USH2A: variants seen among roughly 807,000 people sequenced by gnomAD.
The protein encoded by USH2A is Usher syndrome 2A (autosomal recessive, mild).
USH2A carries 443 observed loss-of-function variants against 538.9 expected under a neutral mutation model. The ratio of observed to expected loss-of-function variants is 0.82; its 90% CI spans 0.76 to 0.89. The LOEUF (loss-of-function observed/expected upper bound fraction) is 0.89, where lower values mean the gene tolerates loss of function less well. Among genes scored for constraint, USH2A ranks in the 40% least tolerant of loss-of-function variants. The probability of loss-of-function intolerance (pLI) is 0.00; values close to 1 mark genes in which losing one functional copy is unlikely to be tolerated. For synonymous variants in USH2A, 2,413 were observed against 2,273.5 expected (o/e 1.06, Z -1.75); for missense variants, 6,633 against 6,324.8 (o/e 1.05, Z -1.65).
intron 60 of USH2A, among the ~76,000 whole-genome samples, chr1:215,729,657 G>T (rs563536458): frequency 1.1e-3 from 165 of 152,234 alleles, no homozygotes; most frequent in African/African-American, 3.7e-3. Flanking sequence ...TTGAGACTGG[G>T]TCTCACTCTG....
intron 49 of USH2A, 37 bp from the exon 50 acceptor site, chr1:215,799,162 T>TA (rs570710986): frequency 1.4e-5 from 22 of 1,573,536 alleles, no homozygotes; most frequent in Non-Finnish European, 1.8e-5. Context: ...TTACATCAGT[T>TA]AAAAAAATAT....
intron 61 of USH2A, among the ~76,000 whole-genome samples, chr1:215,705,456 A>T (rs929641528): frequency 5.3e-5 from 8 of 152,250 alleles, no homozygotes; most frequent in Non-Finnish European, 1.0e-4. Flanking sequence ...AGGCACAGGA[A>T]ATGACAAGTA....
chr1:216,256,335 T>G (rs2102559329), intron 11 of USH2A, among the ~76,000 whole-genome samples: 1 of 150,512 alleles, frequency 6.6e-6, no homozygotes, highest in East Asian at 1.9e-4. Flanking sequence ...TTTTTTTTTT[T>G]GCCTGTTTTG....
Position 215,758,489 on chromosome 1 carries a change from CGACT to C in USH2A, c.11389+102_11389+105del, listed in dbSNP as rs1234007092. On this transcript the variant is annotated intron_variant, in intron 58 of 71. Transcript: ENST00000307340. Reference sequence around the variant, plus strand: ...TTCTGTTCATATTTATCCAGGAGACCGACTATGTCTTTCTGATTTACTAAATTAA... The same window carrying C: ...TTCTGTTCATATTTATCCAGGAGACCATGTCTTTCTGATTTACTAAATTAA... 2.9e-6 allele frequency: 4 copies of C among 1,394,622 alleles called. No homozygotes were observed. In the African/African-American group the frequency reaches 5.8e-5, roughly 20 times the overall value. The allele number at this position is 1,394,622 out of a possible 1,614,324, so 86.4% of individuals were successfully genotyped here. A position where few individuals can be genotyped will look rare whatever the true frequency, so the allele number is the denominator to read the frequency against.
rs77950031 is a variant in USH2A at position 216,060,206 on chromosome 1, G to A, written c.6049+9895C>T. Among the ~76,000 whole-genome samples, 618 of 152,276 alleles carry A rather than the reference G, an allele frequency of 4.1e-3. 3 individuals are homozygous for A. Among genetic ancestry groups the A allele is most frequent in the South Asian group, 0.028 (134 of 4,824 alleles). On this transcript the variant is annotated intron_variant, in intron 30 of 71. Coordinates refer to ENST00000307340, the MANE Select transcript of USH2A (RefSeq NM_206933.4). ...TCCAAAAATACAATTGGAGCATTAG[G>A]TAAAATGCAAATTGCTAAATACTAG...
Position 216,221,062 on chromosome 1 carries a change from A to G in USH2A, c.2994-3512T>C, listed in dbSNP as rs147984253. Among the ~76,000 whole-genome samples, 14 of 152,284 alleles carry G rather than the reference A, an allele frequency of 9.2e-5. No individual in the cohort carries two copies. In the East Asian group the frequency reaches 2.5e-3, roughly 27 times the overall value. On this transcript the variant is annotated intron_variant, in intron 14 of 71. Transcript: ENST00000307340. Reference sequence around the variant, plus strand: ...CAGTCCCTAACACAAAGGCTAGCACACAGTAAGGATTCAGTAAATATTGTC... The same window carrying G: ...CAGTCCCTAACACAAAGGCTAGCACGCAGTAAGGATTCAGTAAATATTGTC...
intron 64 of USH2A, among the ~76,000 whole-genome samples, chr1:215,669,040 C>G (rs1657724434): frequency 6.6e-6 from 1 of 152,118 alleles, no homozygotes; most frequent in Non-Finnish European, 1.5e-5. Flanking sequence ...GAGACTCTGT[C>G]TCGAACAAAG....
At chr1:216,143,820 T>A (rs1471889608) in intron 21 of USH2A, among the ~76,000 whole-genome samples, 1 of 152,212 alleles carries the variant, frequency 6.6e-6, no homozygotes, top group African/African-American at 2.4e-5. Context: ...GCTTAATATT[T>A]GATTTTCCAG....
intron 21 of USH2A, among the ~76,000 whole-genome samples, chr1:216,123,692 G>A (rs1261536854): frequency 2.0e-5 from 3 of 152,052 alleles, no homozygotes; most frequent in African/African-American, 7.2e-5. Flanking sequence ...GAAATTCAAT[G>A]TTCCTGACTT....
intron 64 of USH2A, among the ~76,000 whole-genome samples, chr1:215,670,394 A>AG (rs1657775722): frequency 6.6e-6 from 1 of 152,056 alleles, no homozygotes; most frequent in African/African-American, 2.4e-5. Flanking sequence ...AACAAAACAA[A>AG]CCTAACAGAA....
At chr1:215,905,493 A>G (rs996617878) in intron 38 of USH2A, among the ~76,000 whole-genome samples, 3 of 152,072 alleles carry the variant, frequency 2.0e-5, no homozygotes, top group Admixed American at 6.6e-5. Flanking sequence ...CAAATAATCT[A>G]CTTTATGTTT....
chr1:215,818,581 G>A lies in USH2A; in HGVS notation c.9372-1386C>T, dbSNP rs73090722. ...TTAAACCCAAGTAGAAAGTTTTTAT[G>A]AGAGGCAGGGTTTGGTATACAATGA... On this transcript the variant is annotated intron_variant, in intron 47 of 71. Coordinates refer to ENST00000307340, the MANE Select transcript of USH2A (RefSeq NM_206933.4). 4.3e-3 allele frequency among the ~76,000 whole-genome samples: 646 copies of A among 151,822 alleles called. 4 individuals are homozygous for A. Among genetic ancestry groups the A allele is most frequent in the African/African-American group, 0.015 (602 of 41,488 alleles).
intron 21 of USH2A, among the ~76,000 whole-genome samples, chr1:216,110,216 G>C (rs1238535159): frequency 1.3e-5 from 2 of 152,020 alleles, no homozygotes; most frequent in Non-Finnish European, 2.9e-5. Context: ...AACCCAGCCA[G>C]GCACAGTGTC....
rs117489616 is a variant in USH2A, at chr1:215,715,758, A to G, written c.12066+12272T>C. ...CGCTGCTGGCATTTACTTGTTTTTT[A>G]TATTTTTAAAACAATGTCCTTCATG... On this transcript the variant is annotated intron_variant, in intron 61 of 71. Transcript: ENST00000307340. 2.4e-3 allele frequency among the ~76,000 whole-genome samples: 371 copies of G among 152,278 alleles called. 5 individuals are homozygous for G. The East Asian group carries it at 0.027, about 11-fold the overall frequency.
intron 21 of USH2A, among the ~76,000 whole-genome samples, chr1:216,100,669 A>G (rs1162850122): frequency 6.6e-6 from 1 of 152,162 alleles, no homozygotes; most frequent in African/African-American, 2.4e-5. Context: ...GAATAAAAAC[A>G]AGGAATTGGG....
chr1:216,231,921 G>A, intron 14 of USH2A, 32 bp downstream of exon 14: 8 of 1,612,854 alleles, frequency 5.0e-6, no homozygotes, highest in Non-Finnish European at 6.8e-6. Context: ...GCTAAAGAAA[G>A]AGTTAAATTA....
Position 215,840,997 on chromosome 1 carries a change from T to C in USH2A, c.9259-2894A>G, listed in dbSNP as rs182678601. ...ATGCTAAGACAACTCAGGTAGGCTA[T>C]GGGAATCATGGTGTGCAATGAAAAC... On this transcript the variant is annotated intron_variant, in intron 46 of 71. Coordinates refer to ENST00000307340, the MANE Select transcript of USH2A (RefSeq NM_206933.4). Among the ~76,000 whole-genome samples the C allele has an allele frequency of 1.8e-3, 279 of 152,222 alleles. 2 individuals carry two copies. Among genetic ancestry groups the C allele is most frequent in the Middle Eastern group, 6.8e-3 (2 of 294 alleles).
chr1:216,344,586 G>A (rs979201974), intron 4 of USH2A, among the ~76,000 whole-genome samples: 4 of 151,974 alleles, frequency 2.6e-5, no homozygotes, highest in Non-Finnish European at 4.4e-5. Context: ...GGGACAACAC[G>A]GAGGAGACTC....
At chr1:216,019,000 G>A (rs932973706) in intron 32 of USH2A, among the ~76,000 whole-genome samples, 5 of 152,040 alleles carry the variant, frequency 3.3e-5, no homozygotes, top group African/African-American at 1.2e-4. Flanking sequence ...AAATAAGTAT[G>A]CTATAAAGTA....
Sources: gnomAD v4.1 joint callset for allele counts (sites outside exome capture counted in the v4.1 genomes callset) on GRCh38, gnomAD v4.1.1 for gene constraint, MANE v1.5 for transcripts, NCBI Gene and HGNC (gene_info 2026-07-23, HGNC 2026-07-21) for gene names.